The following ZDHHC2 variants were observed in gnomAD, a reference collection of about 807,000 sequenced individuals.
ZDHHC2 encodes zDHHC palmitoyltransferase 2, also known as palmitoyltransferase ZDHHC2.
A neutral mutation model predicts 55.6 loss-of-function variants in ZDHHC2; 51 were observed. The ratio of observed to expected loss-of-function variants is 0.92; its 90% CI spans 0.73 to 1.16. The LOEUF is 1.16. Among genes scored for constraint, ZDHHC2 ranks in the 50% most tolerant of loss-of-function variants. The probability of loss-of-function intolerance (pLI) is 0.00; values close to 1 mark genes in which losing one functional copy is unlikely to be tolerated. For missense variants in ZDHHC2, 491 were observed against 442.4 expected, an observed-to-expected ratio of 1.11 and a Z score of -0.99; for synonymous variants, 199 against 152.9, an observed-to-expected ratio of 1.30 and a Z score of -2.22.
At chr8:17,180,601 C>T (rs1310747511) in intron 1 of ZDHHC2, among the ~76,000 whole-genome samples, 1 of 152,114 alleles carries the variant, frequency 6.6e-6, no homozygotes, top group African/African-American at 2.4e-5. Context: ...ATGGGGCTTA[C>T]TCTACACAAG....
chr8:17,173,992 G>C (rs1000045642), intron 1 of ZDHHC2, among the ~76,000 whole-genome samples: 3 of 152,078 alleles, frequency 2.0e-5, no homozygotes, highest in Non-Finnish European at 4.4e-5. Flanking sequence ...TGATGTGAAC[G>C]TACAGAGAGT....
chr8:17,199,257 T>C lies in ZDHHC2; in HGVS notation c.476+844T>C, dbSNP rs1806492371. 2.0e-5 allele frequency among the ~76,000 whole-genome samples: 3 copies of C among 152,194 alleles called. No individual in the cohort carries two copies. In the South Asian group the frequency reaches 6.2e-4, roughly 31 times the overall value. ...CCTGTATCTTTCACCAGTATACCTCTTTCTTTTCTCCACCTCGATTTTCTC... is the reference window on the plus strand; with the variant it reads ...CCTGTATCTTTCACCAGTATACCTCCTTCTTTTCTCCACCTCGATTTTCTC... On this transcript the variant is annotated intron_variant, in intron 6 of 12. Transcript: ENST00000262096.
At chr8:17,185,613 G>A (rs1204744163) in intron 2 of ZDHHC2, among the ~76,000 whole-genome samples, 3 of 152,238 alleles carry the variant, frequency 2.0e-5, no homozygotes, top group Admixed American at 6.5e-5. Flanking sequence ...GGAGGTGGCA[G>A]TGAGCCACTG....
chr8:17,175,472 C>T (rs1331609717), intron 1 of ZDHHC2, among the ~76,000 whole-genome samples: 4 of 152,180 alleles, frequency 2.6e-5, no homozygotes, highest in Non-Finnish European at 4.4e-5. Context: ...TCACTATGCA[C>T]TTCTTCCCCT....
intron 10 of ZDHHC2, among the ~76,000 whole-genome samples, chr8:17,211,351 A>T (rs1267423061): frequency 6.6e-6 from 1 of 152,130 alleles, no homozygotes; most frequent in Non-Finnish European, 1.5e-5. Flanking sequence ...CAGTATCCAC[A>T]CCAACACTCC....
chr8:17,196,443 A>C (rs1023389464), intron 4 of ZDHHC2, among the ~76,000 whole-genome samples: 2 of 152,116 alleles, frequency 1.3e-5, no homozygotes, highest in Non-Finnish European at 2.9e-5. Context: ...TAATCCCAGC[A>C]ACTCGGGAGC....
Position 17,194,410 on chromosome 8 carries a change from G to A in ZDHHC2, c.253-1094G>A, listed in dbSNP as rs538108993. On this transcript the variant is annotated intron_variant, in intron 3 of 12. Transcript: ENST00000262096. ...TGCACTACTTAAAGAATAATTAAGT[G>A]AAAACACCTAAGCAGCCACCGAGCC... is the stretch of plus-strand genomic sequence containing the variant. 2.7e-5 allele frequency among the ~76,000 whole-genome samples: 4 copies of A among 149,942 alleles called. No homozygotes were observed. The East Asian group carries it at 7.8e-4, about 29-fold the overall frequency.
chr8:17,189,330 T>A (rs1805902898), intron 3 of ZDHHC2, among the ~76,000 whole-genome samples: 1 of 152,086 alleles, frequency 6.6e-6, no homozygotes, highest in Admixed American at 6.5e-5. Flanking sequence ...CCTTCCTGGA[T>A]TTTTCTCCAT....
chr8:17,204,628 G>A (rs1807000944), intron 6 of ZDHHC2, among the ~76,000 whole-genome samples: 1 of 152,096 alleles, frequency 6.6e-6, no homozygotes, highest in African/African-American at 2.4e-5. Flanking sequence ...TGGACACAGA[G>A]GAGGGAACAA....
intron 1 of ZDHHC2, among the ~76,000 whole-genome samples, chr8:17,163,430 A>G (rs1033645732): frequency 2.6e-5 from 4 of 152,250 alleles, no homozygotes; most frequent in South Asian, 2.1e-4. Flanking sequence ...AAAAAAGACA[A>G]ATGTATCCCA....
intron 5 of ZDHHC2, 147 bp from the exon 6 acceptor site, chr8:17,198,234 C>CT: frequency 1.6e-6 from 1 of 634,598 alleles, no homozygotes; most frequent in East Asian, 3.4e-5. Flanking sequence ...AGAACTTCTG[C>CT]TATTATCCAA....
rs1808051555 is a variant in ZDHHC2, at chr8:17,224,636, A to G, written c.*4415A>G. On this transcript the variant is annotated 3_prime_UTR_variant, in exon 13 of 13. Coordinates refer to ENST00000262096, the MANE Select transcript of ZDHHC2 (RefSeq NM_016353.5). The stretch of plus-strand genomic sequence containing the variant: ...AATGCTTCAAGGTAAAATTCCGTTG[A>G]TTCTGAATTTAAAAAGATACTACAG... The G allele has an allele frequency of 6.6e-6, 1 of 151,702 alleles. No individual in the cohort carries two copies. Among genetic ancestry groups the G allele is most frequent in the Non-Finnish European group, 1.5e-5 (1 of 67,712 alleles). 9.4% of individuals were successfully genotyped at this position (151,702 alleles called of 1,614,324 possible). A position where few individuals can be genotyped will look rare whatever the true frequency, so the allele number is the denominator to read the frequency against.
rs557787251 is a variant in ZDHHC2, at chr8:17,175,784, A to G, written c.131-9005A>G. Among the ~76,000 whole-genome samples the G allele has an allele frequency of 2.0e-5, 3 of 152,342 alleles. No individual in the cohort carries two copies. In the South Asian group the frequency reaches 6.2e-4, roughly 32 times the overall value. The stretch of plus-strand genomic sequence containing the variant: ...GAAAATACAGGTTGTGTGAGATGCT[A>G]AGAGACGAATAATGTATTGCCATAG... On this transcript the variant is annotated intron_variant, in intron 1 of 12. Coordinates refer to ENST00000262096, the MANE Select transcript of ZDHHC2 (RefSeq NM_016353.5).
intron 1 of ZDHHC2, among the ~76,000 whole-genome samples, chr8:17,159,635 T>C (rs963549290): frequency 6.6e-6 from 1 of 152,210 alleles, no homozygotes; most frequent in Non-Finnish European, 1.5e-5. Flanking sequence ...AGTGTTTGTA[T>C]TTTATAAAAA....
intron 6 of ZDHHC2, among the ~76,000 whole-genome samples, chr8:17,204,013 G>A (rs1476694630): frequency 6.6e-6 from 1 of 151,718 alleles, no homozygotes; most frequent in African/African-American, 2.4e-5. Flanking sequence ...TCACCATGTT[G>A]GCCAGGATGG....
intron 1 of ZDHHC2, among the ~76,000 whole-genome samples, chr8:17,176,894 A>G (rs887429350): frequency 2.0e-5 from 3 of 152,230 alleles, no homozygotes; most frequent in African/African-American, 7.2e-5. Context: ...GATAGGTTAT[A>G]AAGAAAATAA....
chr8:17,171,276 C>G (rs754743524), intron 1 of ZDHHC2, among the ~76,000 whole-genome samples: 8 of 152,194 alleles, frequency 5.3e-5, no homozygotes, highest in Non-Finnish European at 1.0e-4. Context: ...CAAATCTGCA[C>G]AACTTGCTGG....
chr8:17,157,192 G>A (rs1046534510), intron 1 of ZDHHC2, among the ~76,000 whole-genome samples: 18 of 152,168 alleles, frequency 1.2e-4, no homozygotes, highest in African/African-American at 4.1e-4. Context: ...GGAGGCCGAG[G>A]CCGGCGAGGC....
chr8:17,163,048 C>G (rs1393949207), intron 1 of ZDHHC2, among the ~76,000 whole-genome samples: 1 of 152,240 alleles, frequency 6.6e-6, no homozygotes, highest in South Asian at 2.1e-4. Flanking sequence ...GCTCGGGCCA[C>G]TTTTACTCTG....
Sources: allele counts gnomAD v4.1 joint callset (sites outside exome capture counted in the v4.1 genomes callset), GRCh38; gene constraint gnomAD v4.1.1; transcripts MANE v1.5; gene names NCBI Gene and HGNC (gene_info 2026-07-23, HGNC 2026-07-21).